Variants in PGAP2 observed in about 807,000 individuals in gnomAD.
The protein encoded by PGAP2 is post-GPI attachment to proteins 2.
Under a neutral mutation model 33.2 loss-of-function variants are expected in PGAP2, and 21 were observed. That is an observed-to-expected ratio of 0.63 (90% CI 0.45 to 0.91). The LOEUF (loss-of-function observed/expected upper bound fraction) is 0.91. Among genes scored for constraint, PGAP2 ranks in the 40% least tolerant of loss-of-function variants. The pLI is 0.00. For missense variants in PGAP2, 345 were observed against 424.0 expected (o/e 0.81, Z 1.64); for synonymous variants, 161 against 172.9 (o/e 0.93, Z 0.54).
intron 1 of PGAP2, among the ~76,000 whole-genome samples, chr11:3,801,849 G>A (rs112439806): frequency 0.014 from 2,154 of 152,078 alleles, 30 homozygotes; most frequent in Non-Finnish European, 0.025. Context: ...GGAGGCTGAG[G>A]CAGGAGAATC....
Position 3,824,372 on chromosome 11 carries a change from AGGAGGTAC to A in PGAP2, c.707_708+6del. 6.2e-7 allele frequency: 1 copy of A among 1,614,198 alleles called. No individual in the cohort carries two copies. Among genetic ancestry groups the A allele is most frequent in the Non-Finnish European group, 8.5e-7 (1 of 1,180,008 alleles). ...TTGACCAAGAAGCACACAGTAAGTC[AGGAGGTAC>A]GGTCTATCCCTAGCGGGGGCTCCAA... is the stretch of plus-strand genomic sequence containing the variant. On this transcript the variant is annotated splice_donor_variant and splice_donor_region_variant and coding_sequence_variant and intron_variant, in exon 5 of 7. Coordinates refer to ENST00000278243, the MANE Select transcript of PGAP2 (RefSeq NM_014489.4). LOFTEE classifies it high-confidence loss of function.
intron 3 of PGAP2, chr11:3,823,054 TGA>T (rs2134999475): frequency 1.4e-5 from 8 of 564,904 alleles, no homozygotes; most frequent in East Asian, 4.1e-5. Context: ...TTTTTTTTTT[TGA>T]GACAGAGTCT....
intron 3 of PGAP2, among the ~76,000 whole-genome samples, chr11:3,820,110 G>A (rs2088172097): frequency 6.6e-6 from 1 of 152,110 alleles, no homozygotes; most frequent in African/African-American, 2.4e-5. Context: ...CCTTAAAGTA[G>A]CTGAGACTGG....
In PGAP2 at chr11:3,817,437, G is replaced by A. The variant is rs540040815; in HGVS notation, c.250G>A (p.Val84Ile). The A allele has an allele frequency of 3.0e-5, 49 of 1,614,052 alleles. No homozygotes were observed. The highest frequency in any genetic ancestry group is 1.6e-4 in the Middle Eastern group (1 of 6,084). ...GTTCCGGCTTCGCTTCACAGCCATG[G>A]TCTGGTGGGCCATCACTTTTCCTGT... is the stretch of plus-strand genomic sequence containing the variant. Reference protein sequence around the residue: ...TLFRLRFTAMVWWAITFPVFG... With the variant: ...TLFRLRFTAMIWWAITFPVFG... The change falls in exon 3 of 7, where the codon GTC becomes ATC. Residue 84 changes from valine to isoleucine, a missense_variant. By Grantham distance (29) the Val-to-Ile change is conservative. Coordinates refer to ENST00000278243, the MANE Select transcript of PGAP2 (RefSeq NM_014489.4).
At chr11:3,817,962 C>G (rs964833961) in intron 3 of PGAP2, 8 of 418,248 alleles carry the variant, frequency 1.9e-5, no homozygotes, top group Non-Finnish European at 2.4e-5. Flanking sequence ...AGGAGAATTG[C>G]TTGAGGCTGG....
chr11:3,798,457 G>C (rs113049814), intron 1 of PGAP2, among the ~76,000 whole-genome samples: 1 of 151,974 alleles, frequency 6.6e-6, no homozygotes, highest in Admixed American at 6.6e-5. Context: ...AGCCTCCCAA[G>C]TAGCTGGGAT....
At chr11:3,816,446 G>C (rs1231071768) in intron 2 of PGAP2, among the ~76,000 whole-genome samples, 1 of 152,142 alleles carries the variant, frequency 6.6e-6, no homozygotes, top group Non-Finnish European at 1.5e-5. Context: ...AGGGGGAGTT[G>C]TCGGCCAGGA....
upstream of PGAP2, chr11:3,797,746 A>C (rs2082759405): frequency 2.1e-6 from 3 of 1,401,682 alleles, no homozygotes; most frequent in Non-Finnish European, 1.9e-6. Context: ...GGCACAGGGT[A>C]GGAGCGGTGA....
At chr11:3,824,872 T>C in intron 5 of PGAP2, 148 bp from the exon 6 acceptor site, 1 of 1,461,528 alleles carries the variant, frequency 6.8e-7, no homozygotes, top group South Asian at 1.4e-5. Context: ...TAGTCGTCAT[T>C]CTTGCTGCCC....
In PGAP2 at chr11:3,824,049, C is replaced by T. The variant is rs751279371; in HGVS notation, c.515C>T (p.Pro172Leu). 132 of 1,614,082 alleles carry T rather than the reference C, an allele frequency of 8.2e-5. 1 individual carries two copies. In the South Asian group the frequency reaches 1.1e-3, roughly 14 times the overall value. ...SCTSPCSCYRPLCRLNFGLNV... is the reference protein window; with the variant it reads ...SCTSPCSCYRLLCRLNFGLNV... ...ACCTCCCCGTGTTCCTGCTATCGCC[C>T]GCTCTGCCGCCTCAACTTCGGCCTC... is the stretch of plus-strand genomic sequence containing the variant. Residue 172 changes from proline (P) to leucine (L), a missense_variant, in exon 4 of 7, where the codon CCG (proline) becomes CTG (leucine). Around this residue, in one of 2 missense-constraint regions of PGAP2, gnomAD observed 311 missense variants for 353.6 expected, o/e 0.88. Transcript: ENST00000278243.
At chr11:3,799,353 C>T (rs1436054996) in intron 1 of PGAP2, among the ~76,000 whole-genome samples, 6 of 151,758 alleles carry the variant, frequency 4.0e-5, no homozygotes, top group Non-Finnish European at 7.4e-5. Context: ...GCCTGGCCAA[C>T]ATGATGAAAC....
intron 2 of PGAP2, among the ~76,000 whole-genome samples, chr11:3,816,751 T>C (rs1439509869): frequency 1.3e-5 from 2 of 152,114 alleles, no homozygotes; most frequent in African/African-American, 4.8e-5. Flanking sequence ...CCCATTGAAA[T>C]AGGCTCTGGG....
Position 3,825,541 on chromosome 11 carries a change from A to G in PGAP2, c.*83A>G. ...ACCATTCTGGCCTTCCCCACCCCACATCCTCTCTTGGCCTTACTGAAGATG... is the reference window on the plus strand; with the variant it reads ...ACCATTCTGGCCTTCCCCACCCCACGTCCTCTCTTGGCCTTACTGAAGATG... On this transcript the variant is annotated 3_prime_UTR_variant, in exon 7 of 7. Coordinates refer to ENST00000278243, the MANE Select transcript of PGAP2 (RefSeq NM_014489.4). 3 of 1,406,226 alleles carry G rather than the reference A, an allele frequency of 2.1e-6. No homozygotes were observed. Among genetic ancestry groups the G allele is most frequent in the Non-Finnish European group, 2.9e-6 (3 of 1,022,440 alleles). The allele number at this position is 1,406,226 out of a possible 1,614,324, so 87.1% of individuals were successfully genotyped here. A position where few individuals can be genotyped will look rare whatever the true frequency, so the allele number is the denominator to read the frequency against.
chr11:3,821,618 C>T (rs966774227), intron 3 of PGAP2, among the ~76,000 whole-genome samples: 4 of 152,032 alleles, frequency 2.6e-5, no homozygotes, highest in Admixed American at 6.6e-5. Flanking sequence ...ATTAGCTGGG[C>T]GTGGCAGCAG....
chr11:3,821,159 C>T (rs1590363333), intron 3 of PGAP2, among the ~76,000 whole-genome samples: 1 of 152,304 alleles, frequency 6.6e-6, no homozygotes, highest in East Asian at 1.9e-4. Flanking sequence ...GAATCCATCT[C>T]CTTTTTTGTG....
chr11:3,819,608 C>T (rs2088019521), intron 3 of PGAP2, among the ~76,000 whole-genome samples: 1 of 152,022 alleles, frequency 6.6e-6, no homozygotes, highest in East Asian at 1.9e-4. Flanking sequence ...TTTGGGGAAC[C>T]CTGCTTTATA....
Position 3,812,627 on chromosome 11 carries a change from A to C in PGAP2, c.165+1203A>C, listed in dbSNP as rs150985946. Among the ~76,000 whole-genome samples the C allele has an allele frequency of 2.1e-3, 322 of 152,296 alleles. 1 individual carries two copies. Among genetic ancestry groups the C allele is most frequent in the African/African-American group, 7.4e-3 (308 of 41,560 alleles). On this transcript the variant is annotated intron_variant, in intron 2 of 6. Coordinates refer to ENST00000278243, the MANE Select transcript of PGAP2 (RefSeq NM_014489.4). Reference sequence around the variant, plus strand: ...AACCTAGGGGCTTTAGGTGGAGAAGAGGCAGATTCTGCGCATGGACCATTG... The same window carrying C: ...AACCTAGGGGCTTTAGGTGGAGAAGCGGCAGATTCTGCGCATGGACCATTG...
intron 1 of PGAP2, among the ~76,000 whole-genome samples, chr11:3,798,269 G>A (rs972558271): frequency 1.3e-5 from 2 of 152,214 alleles, no homozygotes; most frequent in Admixed American, 1.3e-4. Context: ...CAAAGGGCCT[G>A]GTACAAATGA....
intron 2 of PGAP2, among the ~76,000 whole-genome samples, chr11:3,813,756 G>C (rs182537781): frequency 4.6e-5 from 7 of 152,302 alleles, no homozygotes; most frequent in Non-Finnish European, 1.0e-4. Flanking sequence ...CATGGTATAA[G>C]TCAATCATAG....
Sources: gnomAD v4.1 joint callset for allele counts (sites outside exome capture counted in the v4.1 genomes callset) on GRCh38, gnomAD v4.1.1 for gene constraint, gnomAD v4.1.1 regional missense constraint, MANE v1.5 for transcripts, NCBI Gene and HGNC (gene_info 2026-07-23, HGNC 2026-07-21) for gene names.